FBXL13: variants seen among roughly 807,000 people sequenced by gnomAD.
FBXL13 encodes the protein F-box and leucine-rich repeat protein 13.
Under a neutral mutation model 83.6 loss-of-function variants are expected in FBXL13, and 67 were observed. The observed-to-expected ratio is 0.80, with a 90% CI of 0.66 to 0.98. The LOEUF (loss-of-function observed/expected upper bound fraction) is 0.98, where lower values mean the gene tolerates loss of function less well. Among genes scored for constraint, FBXL13 ranks in the 50% least tolerant of loss-of-function variants. The probability of loss-of-function intolerance (pLI) is 0.00; values close to 1 mark genes in which losing one functional copy is unlikely to be tolerated. For missense variants in FBXL13, 822 were observed against 866.5 expected (o/e 0.95, Z 0.64); for synonymous variants, 272 against 299.5 (o/e 0.91, Z 0.95).
chr7:102,930,027 TG>T (rs2129472786), intron 9 of FBXL13, among the ~76,000 whole-genome samples: 1 of 151,156 alleles, frequency 6.6e-6, no homozygotes, highest in South Asian at 2.1e-4. Flanking sequence ...GGGCTAGGGG[TG>T]GTGGGGAGGG....
At chr7:102,822,565 C>G (rs1798948439) in intron 18 of FBXL13, 1 of 416,172 alleles carries the variant, frequency 2.4e-6, no homozygotes, top group South Asian at 1.8e-5. Context: ...GCCCCACTTT[C>G]TATTACTGTC....
chr7:102,822,838 T>G (rs1562904267), intron 18 of FBXL13, among the ~76,000 whole-genome samples: 1 of 152,212 alleles, frequency 6.6e-6, no homozygotes, highest in African/African-American at 2.4e-5. Flanking sequence ...TTTGGTAGGC[T>G]GAGGCAGGCA....
intron 2 of FBXL13, among the ~76,000 whole-genome samples, chr7:103,033,635 G>A (rs1285318843): frequency 1.3e-5 from 2 of 152,084 alleles, no homozygotes; most frequent in East Asian, 3.8e-4. Flanking sequence ...GTGGGTTTGT[G>A]GTCTTGTTGG....
chr7:102,831,242 G>GT (rs1162118888), intron 18 of FBXL13, among the ~76,000 whole-genome samples: 1 of 152,128 alleles, frequency 6.6e-6, no homozygotes, highest in Non-Finnish European at 1.5e-5. Flanking sequence ...CTCTGTTTTA[G>GT]TATCTCTAGA....
chr7:102,955,551 GAGAT>G (rs1241506955), intron 8 of FBXL13, among the ~76,000 whole-genome samples: 1 of 149,344 alleles, frequency 6.7e-6, no homozygotes, highest in Non-Finnish European at 1.5e-5. Context: ...AGAACTGAAA[GAGAT>G]AGAGACACAA....
chr7:103,034,719 G>A (rs567455061), intron 2 of FBXL13, among the ~76,000 whole-genome samples: 9 of 152,378 alleles, frequency 5.9e-5, no homozygotes, highest in African/African-American at 1.4e-4. Context: ...AGGAGGCGCC[G>A]AGAGCGAACG....
At chr7:102,880,742 C>A (rs190605930) in intron 14 of FBXL13, among the ~76,000 whole-genome samples, 1 of 152,276 alleles carries the variant, frequency 6.6e-6, no homozygotes, top group Non-Finnish European at 1.5e-5. Flanking sequence ...ATCTTAATCT[C>A]TAGCCTGAGA....
At chr7:102,928,955 G>A (rs1000632351) in intron 9 of FBXL13, among the ~76,000 whole-genome samples, 4 of 152,090 alleles carry the variant, frequency 2.6e-5, no homozygotes, top group Non-Finnish European at 5.9e-5. Flanking sequence ...CATTTCTTGC[G>A]GATGACCCTG....
chr7:102,834,380 TTATA>T, intron 17 of FBXL13, among the ~76,000 whole-genome samples: 1 of 145,316 alleles, frequency 6.9e-6, no homozygotes, highest in African/African-American at 2.5e-5. Context: ...TATATATAAA[TTATA>T]TATATATATA....
At chr7:102,917,060 G>A (rs1816037174) in intron 10 of FBXL13, among the ~76,000 whole-genome samples, 1 of 152,112 alleles carries the variant, frequency 6.6e-6, no homozygotes, top group South Asian at 2.1e-4. Flanking sequence ...CTGTAAAAGA[G>A]GGAATTTGCA....
At chr7:103,066,791 ATTTT>A (rs762824127) in intron 1 of FBXL13, among the ~76,000 whole-genome samples, 1 of 137,672 alleles carries the variant, frequency 7.3e-6, no homozygotes, top group Admixed American at 7.3e-5. Context: ...TTTTGTGAGG[ATTTT>A]TTTTTTTTTT....
chr7:102,987,793 G>C (rs1829143461), intron 6 of FBXL13, among the ~76,000 whole-genome samples: 1 of 152,086 alleles, frequency 6.6e-6, no homozygotes, highest in Non-Finnish European at 1.5e-5. Flanking sequence ...CATTTACCAA[G>C]AAAGCCCAGG....
chr7:102,925,094 T>C (rs1486988886), intron 10 of FBXL13, among the ~76,000 whole-genome samples: 1 of 152,218 alleles, frequency 6.6e-6, no homozygotes, highest in Admixed American at 6.5e-5. Flanking sequence ...TAACTGGCCT[T>C]TCTGTAATGA....
chr7:102,974,229 A>T (rs1452201687), intron 6 of FBXL13, among the ~76,000 whole-genome samples: 1 of 152,110 alleles, frequency 6.6e-6, no homozygotes, highest in African/African-American at 2.4e-5. Context: ...GCTCTACTAA[A>T]AATACAAAAA....
In FBXL13 at chr7:102,854,722, A is replaced by G. The variant is rs114662373; in HGVS notation, c.1719+55T>C. 8.0e-4 allele frequency: 949 copies of G among 1,181,194 alleles called. 8 individuals are homozygous for G. The African/African-American group carries it at 0.014, about 17-fold the overall frequency. The allele number at this position is 1,181,194 out of a possible 1,614,324, so 73.2% of individuals were successfully genotyped here. A position where few individuals can be genotyped will look rare whatever the true frequency, so the allele number is the denominator to read the frequency against. On this transcript the variant is annotated intron_variant, in intron 17 of 19. Coordinates refer to ENST00000313221, the Ensembl canonical transcript of FBXL13. ...CCTTTTTATTCATTGGAAAAAAAAG[A>G]AAAAAAGAAAAATTTCAATCTTAAT...
Position 102,946,706 on chromosome 7 carries a change from G to A in FBXL13, c.725-14773C>T, listed in dbSNP as rs200596275. On this transcript the variant is annotated intron_variant, in intron 8 of 19. Coordinates refer to ENST00000313221, the Ensembl canonical transcript of FBXL13. ...TATTTATTTATTTTGAGACAGTCTC[G>A]CTCTGTCATACAGTCTGGAGTGCAG... Among the ~76,000 whole-genome samples the A allele has an allele frequency of 6.8e-5, 10 of 146,962 alleles. No homozygotes were observed. In the East Asian group the frequency reaches 1.6e-3, roughly 24 times the overall value.
chr7:102,863,563 T>C (rs935902784), intron 16 of FBXL13, among the ~76,000 whole-genome samples: 1 of 152,066 alleles, frequency 6.6e-6, no homozygotes, highest in Non-Finnish European at 1.5e-5. Context: ...CTTTCAGAAA[T>C]GCTTGAATTT....
chr7:103,052,183 C>T (rs1796883563), intron 2 of FBXL13, among the ~76,000 whole-genome samples: 1 of 152,102 alleles, frequency 6.6e-6, no homozygotes, highest in Non-Finnish European at 1.5e-5. Context: ...ATTTTACTGC[C>T]AGTTATAACG....
At chr7:103,034,348 G>T (rs1449526530) in intron 2 of FBXL13, among the ~76,000 whole-genome samples, 1 of 152,208 alleles carries the variant, frequency 6.6e-6, no homozygotes. Context: ...CGGTGTGGGG[G>T]AGGCTCAGGC....
Sources: allele counts gnomAD v4.1 joint callset (sites outside exome capture counted in the v4.1 genomes callset), GRCh38; gene constraint gnomAD v4.1.1; transcripts MANE v1.5; gene names NCBI Gene and HGNC (gene_info 2026-07-23, HGNC 2026-07-21).